FGD4: variants seen among roughly 807,000 people sequenced by gnomAD.
FGD4 encodes the protein FYVE, RhoGEF and PH domain-containing protein 4.
Under a neutral mutation model 102.0 loss-of-function variants are expected in FGD4, and 42 were observed. The observed-to-expected ratio is 0.41, with a 90% CI of 0.32 to 0.53. The LOEUF (loss-of-function observed/expected upper bound fraction) is 0.53. Among genes scored for constraint, FGD4 ranks in the 20% least tolerant of loss-of-function variants. FGD4 has a pLI of 0.21. For missense variants in FGD4, 902 were observed against 1,078.2 expected, an observed-to-expected ratio of 0.84 and a Z score of 2.29; for synonymous variants, 380 against 375.7, an observed-to-expected ratio of 1.01 and a Z score of -0.13.
chr12:32,569,150 A>G (rs1343347184), intron 2 of FGD4, among the ~76,000 whole-genome samples: 1 of 152,188 alleles, frequency 6.6e-6, no homozygotes, highest in Non-Finnish European at 1.5e-5. Context: ...AAATTTACCT[A>G]GAATCCAAGT....
At chr12:32,591,726 G>T (rs1272412879) in intron 4 of FGD4, among the ~76,000 whole-genome samples, 1 of 152,188 alleles carries the variant, frequency 6.6e-6, no homozygotes, top group Non-Finnish European at 1.5e-5. Context: ...AGAGCTGCAG[G>T]ATCTGGTGAC....
At chr12:32,526,548 C>T (rs1490671185) in intron 1 of FGD4, among the ~76,000 whole-genome samples, 1 of 152,210 alleles carries the variant, frequency 6.6e-6, no homozygotes, top group African/African-American at 2.4e-5. Context: ...AAACAGGCCA[C>T]TCGGTCCTAC....
At chr12:32,528,011 C>T (rs1941434432) in intron 1 of FGD4, among the ~76,000 whole-genome samples, 1 of 152,052 alleles carries the variant, frequency 6.6e-6, no homozygotes, top group Admixed American at 6.6e-5. Context: ...GTCACCCACG[C>T]TGAAGTGCAG....
chr12:32,520,822 G>A (rs7953022), intron 1 of FGD4, among the ~76,000 whole-genome samples: 27,906 of 152,008 alleles, frequency 0.18, 3,151 homozygotes, highest in Middle Eastern at 0.36. Flanking sequence ...TGCATACTAG[G>A]GGATGCATGC....
chr12:32,500,750 C>T (rs887521404), intron 1 of FGD4, among the ~76,000 whole-genome samples: 20 of 152,120 alleles, frequency 1.3e-4, no homozygotes, highest in Admixed American at 1.2e-3. Context: ...ATTTTAATAA[C>T]TGCATGATAG....
chr12:32,526,885 G>A (rs1941291652), intron 1 of FGD4, among the ~76,000 whole-genome samples: 1 of 152,154 alleles, frequency 6.6e-6, no homozygotes, highest in African/African-American at 2.4e-5. Context: ...GTGAGACCAA[G>A]AACCCACCAA....
chr12:32,546,766 T>A (rs1032885408), intron 1 of FGD4, among the ~76,000 whole-genome samples: 2 of 152,112 alleles, frequency 1.3e-5, no homozygotes, highest in African/African-American at 4.8e-5. Context: ...CAGCCTCGAT[T>A]TGAGAAGCAA....
At chr12:32,418,021 A>C (rs1026752414) in intron 1 of FGD4, among the ~76,000 whole-genome samples, 9 of 147,126 alleles carry the variant, frequency 6.1e-5, no homozygotes, top group African/African-American at 2.0e-4. Context: ...CAGTGGCACA[A>C]TCTCGGCTCA....
At chr12:32,549,058 C>T (rs965386534) in intron 1 of FGD4, among the ~76,000 whole-genome samples, 3 of 152,224 alleles carry the variant, frequency 2.0e-5, no homozygotes, top group Non-Finnish European at 4.4e-5. Flanking sequence ...GGGATGTTGA[C>T]TTACAATAAT....
intron 11 of FGD4, 28 bp from the exon 12 acceptor site, chr12:32,624,394 C>T (rs375667648): frequency 6.7e-4 from 1,029 of 1,526,256 alleles, no homozygotes; most frequent in Non-Finnish European, 8.6e-4. Flanking sequence ...ATATTATTTA[C>T]ATTCACTTTA....
chr12:32,542,260 T>C (rs1217936324), intron 1 of FGD4, among the ~76,000 whole-genome samples: 1 of 152,196 alleles, frequency 6.6e-6, no homozygotes, highest in African/African-American at 2.4e-5. Flanking sequence ...ACAGAAATAG[T>C]GTTAGGCTGG....
Position 32,506,036 on chromosome 12 carries a change from G to T in FGD4, c.167-58101G>T, listed in dbSNP as rs969574891. On this transcript the variant is annotated intron_variant, in intron 1 of 16. Transcript: ENST00000534526. The surrounding 1 kb of genome is among the most constrained non-coding windows in gnomAD (Gnocchi z 4.5). ...CCCTCATTTTAAAGAAGAACCTGAG[G>T]CCCATAAAGATTAAGCAGCTTTTCC... 2.0e-5 allele frequency among the ~76,000 whole-genome samples: 3 copies of T among 152,158 alleles called. No homozygotes were observed. In the South Asian group the frequency reaches 6.2e-4, roughly 32 times the overall value.
chr12:32,534,362 C>T, intron 1 of FGD4: 1 of 1,461,214 alleles, frequency 6.8e-7, no homozygotes, highest in Non-Finnish European at 9.0e-7. Context: ...CCTGTGTAAT[C>T]TTCAGCCTCC....
chr12:32,414,963 A>G (rs1351419456), intron 1 of FGD4, among the ~76,000 whole-genome samples: 1 of 152,096 alleles, frequency 6.6e-6, no homozygotes, highest in Non-Finnish European at 1.5e-5. Context: ...TGTATCTCAT[A>G]GATTTTGGTA....
chr12:32,587,975 A>G (rs562171086), intron 4 of FGD4, among the ~76,000 whole-genome samples: 1 of 152,298 alleles, frequency 6.6e-6, no homozygotes, highest in East Asian at 1.9e-4. Flanking sequence ...ATGTGTAGGA[A>G]CAGGAAATGG....
chr12:32,460,046 T>C (rs1943061702), intron 1 of FGD4, among the ~76,000 whole-genome samples: 1 of 152,136 alleles, frequency 6.6e-6, no homozygotes, highest in Non-Finnish European at 1.5e-5. Context: ...GCCTTTACAG[T>C]CACAAATAAA....
intron 1 of FGD4, among the ~76,000 whole-genome samples, chr12:32,474,970 CTG>C (rs1379744912): frequency 1.3e-5 from 2 of 152,134 alleles, no homozygotes; most frequent in African/African-American, 4.8e-5. Flanking sequence ...GTATATGTAT[CTG>C]TGAATATAGT....
At chr12:32,413,873 G>C (rs12425397) in intron 1 of FGD4, among the ~76,000 whole-genome samples, 14,468 of 152,014 alleles carry the variant, frequency 0.095, 1,286 homozygotes, top group African/African-American at 0.21. Context: ...CCAGTTTCTA[G>C]GTAGATGAAG....
intron 1 of FGD4, among the ~76,000 whole-genome samples, chr12:32,469,747 C>T (rs1400415179): frequency 6.6e-6 from 1 of 151,970 alleles, no homozygotes; most frequent in African/African-American, 2.4e-5. Flanking sequence ...GCAACCTCTG[C>T]CTCCCAGGTT....
Sources: allele counts gnomAD v4.1 joint callset (sites outside exome capture counted in the v4.1 genomes callset), GRCh38; gene constraint gnomAD v4.1.1; non-coding constraint Gnocchi (gnomAD v3.1); transcripts MANE v1.5; gene names NCBI Gene and HGNC (gene_info 2026-07-23, HGNC 2026-07-21).